CSTF3: variants seen among roughly 807,000 people sequenced by gnomAD.
CSTF3 encodes CF-1 77 kDa subunit.
CSTF3 carries 29 observed loss-of-function variants against 105.8 expected under a neutral mutation model. That is an observed-to-expected ratio of 0.27 (90% CI 0.20 to 0.37). CSTF3 has a LOEUF of 0.37. CSTF3 is among the 10% of genes least tolerant of loss of function. CSTF3 has a pLI of 1.00. For missense variants in CSTF3, 357 were observed against 879.3 expected, an observed-to-expected ratio of 0.41 and a Z score of 7.51; for synonymous variants, 252 against 281.9, an observed-to-expected ratio of 0.89 and a Z score of 1.06.
intron 1 of CSTF3, among the ~76,000 whole-genome samples, chr11:33,145,752 T>A (rs1446643804): frequency 6.6e-6 from 1 of 151,552 alleles, no homozygotes; most frequent in East Asian, 2.0e-4. Context: ...AGGCAGAGCT[T>A]GCAGTGAGCA....
At chr11:33,139,684 AT>A (rs1855689535) in intron 3 of CSTF3, among the ~76,000 whole-genome samples, 1 of 151,966 alleles carries the variant, frequency 6.6e-6, no homozygotes, top group Non-Finnish European at 1.5e-5. Context: ...ATTTTAAAAA[AT>A]ATACATATAT....
chr11:33,152,007 G>A (rs371080234), intron 1 of CSTF3, among the ~76,000 whole-genome samples: 39 of 152,234 alleles, frequency 2.6e-4, no homozygotes, highest in African/African-American at 8.4e-4. Flanking sequence ...AGAAATGTCT[G>A]TTCAAATATT....
intron 8 of CSTF3, among the ~76,000 whole-genome samples, 154 bp from the exon 9 acceptor site, chr11:33,103,338 A>G: frequency 6.6e-6 from 1 of 152,212 alleles, no homozygotes; most frequent in East Asian, 1.9e-4. Context: ...AAAGCAGGGA[A>G]AAAAGGTTCA....
intron 13 of CSTF3, among the ~76,000 whole-genome samples, chr11:33,097,741 T>C (rs1855239941): frequency 6.6e-6 from 1 of 152,216 alleles, no homozygotes; most frequent in South Asian, 2.1e-4. Context: ...GAACAACATA[T>C]AATAGAACTT....
Position 33,085,134 on chromosome 11 carries a change from G to C in CSTF3, c.2107C>G (p.Pro703Ala). 3.1e-6 allele frequency: 5 copies of C among 1,614,120 alleles called. No individual in the cohort carries two copies. The highest frequency in any genetic ancestry group is 4.2e-6 in the Non-Finnish European group (5 of 1,180,014). Residue 703 changes from proline (P) to alanine (A), a missense_variant, in exon 21 of 21, where the codon CCT becomes GCT. This residue lies in a region of CSTF3 where 73 missense variants were observed against 105.8 expected (regional missense o/e 0.69). Coordinates refer to ENST00000323959, the MANE Select transcript of CSTF3 (RefSeq NM_001326.3). ...EDEEKGAVVPPVHDIYRARQQ... is the reference protein window; with the variant it reads ...EDEEKGAVVPAVHDIYRARQQ... The stretch of plus-strand genomic sequence containing the variant: ...CGTGCTCTGTAAATGTCATGAACAG[G>C]GGGGACAACGGCTCCCTTTTCTTCA...
intron 1 of CSTF3, among the ~76,000 whole-genome samples, chr11:33,159,294 C>CA (rs1222643248): frequency 1.3e-5 from 2 of 151,180 alleles, no homozygotes; most frequent in African/African-American, 4.9e-5. Context: ...CCTGTCTCTA[C>CA]AAAAAAAATA....
intron 10 of CSTF3, among the ~76,000 whole-genome samples, chr11:33,101,706 G>A (rs1855282892): frequency 6.6e-6 from 1 of 152,024 alleles, no homozygotes; most frequent in Admixed American, 6.6e-5. Flanking sequence ...ATTTAAACAG[G>A]AAATAGGGAA....
At chr11:33,101,250 G>C (rs1239855366) in intron 10 of CSTF3, among the ~76,000 whole-genome samples, 1 of 152,168 alleles carries the variant, frequency 6.6e-6, no homozygotes, top group Non-Finnish European at 1.5e-5. Flanking sequence ...AAAGGAGAAA[G>C]CCAGATCCCG....
intron 1 of CSTF3, among the ~76,000 whole-genome samples, chr11:33,156,979 T>C (rs1849874317): frequency 6.6e-6 from 1 of 152,122 alleles, no homozygotes; most frequent in Middle Eastern, 3.2e-3. Context: ...AATAACAGCA[T>C]ATTAAATGCC....
intron 1 of CSTF3, among the ~76,000 whole-genome samples, chr11:33,155,973 T>C (rs1205644089): frequency 1.3e-5 from 2 of 152,236 alleles, no homozygotes; most frequent in African/African-American, 4.8e-5. Context: ...TGTAAATGCC[T>C]ACATTCCCTG....
intron 1 of CSTF3, among the ~76,000 whole-genome samples, chr11:33,158,463 T>C (rs1849894563): frequency 6.6e-6 from 1 of 152,186 alleles, no homozygotes; most frequent in South Asian, 2.1e-4. Context: ...TTGTGGGTTT[T>C]AAAAACAAAA....
At chr11:33,156,301 T>C (rs925112593) in intron 1 of CSTF3, among the ~76,000 whole-genome samples, 7 of 152,220 alleles carry the variant, frequency 4.6e-5, no homozygotes, top group African/African-American at 1.7e-4. Flanking sequence ...TAGTTGGCTC[T>C]TTCTCTGCCT....
intron 3 of CSTF3, among the ~76,000 whole-genome samples, chr11:33,122,092 T>C (rs182533230): frequency 1.3e-5 from 2 of 152,276 alleles, no homozygotes; most frequent in East Asian, 1.9e-4. Context: ...AGAAACAAGA[T>C]ATAAAATAAT....
intron 1 of CSTF3, among the ~76,000 whole-genome samples, chr11:33,150,219 T>TAAA (rs10714096): frequency 3.6e-4 from 38 of 104,356 alleles, no homozygotes; most frequent in African/African-American, 7.9e-4. Context: ...TGTCTCAAAC[T>TAAA]AAAAAAAAAA....
chr11:33,109,677 G>A (rs941430997), intron 3 of CSTF3, among the ~76,000 whole-genome samples: 1 of 152,186 alleles, frequency 6.6e-6, no homozygotes, highest in Non-Finnish European at 1.5e-5. Flanking sequence ...TGCCTAGCAG[G>A]TTGAGCACTG....
intron 3 of CSTF3, among the ~76,000 whole-genome samples, chr11:33,128,768 T>G (rs1437481756): frequency 6.6e-6 from 1 of 152,200 alleles, no homozygotes; most frequent in Non-Finnish European, 1.5e-5. Flanking sequence ...AACACGCCAT[T>G]CATCTATTTC....
At chr11:33,150,235 AAAAAG>A (rs1418113946) in intron 1 of CSTF3, among the ~76,000 whole-genome samples, 146 of 106,522 alleles carry the variant, frequency 1.4e-3, no homozygotes, top group Non-Finnish European at 2.9e-3. Context: ...AAAAAAAAAA[AAAAAG>A]AAAAGAAAAG....
chr11:33,150,139 C>T (rs372581971), intron 1 of CSTF3, among the ~76,000 whole-genome samples: 3 of 150,548 alleles, frequency 2.0e-5, no homozygotes, highest in South Asian at 2.1e-4. Flanking sequence ...TGCTTGAACC[C>T]GGGAGGCGGA....
intron 15 of CSTF3, among the ~76,000 whole-genome samples, chr11:33,093,119 G>A (rs1315829368): frequency 6.6e-6 from 1 of 152,078 alleles, no homozygotes; most frequent in South Asian, 2.1e-4. Context: ...CCCAGCAGAG[G>A]AGTTGTTTTT....
Sources: gnomAD v4.1 joint callset for allele counts (sites outside exome capture counted in the v4.1 genomes callset) on GRCh38, gnomAD v4.1.1 for gene constraint, gnomAD v4.1.1 regional missense constraint, MANE v1.5 for transcripts, NCBI Gene and HGNC (gene_info 2026-07-23, HGNC 2026-07-21) for gene names.